Variants in L3MBTL3 observed in about 807,000 individuals in gnomAD.
The protein encoded by L3MBTL3 is L3MBTL histone methyl-lysine binding protein 3, also known as lethal(3)malignant brain tumor-like protein 3.
A neutral mutation model predicts 102.3 loss-of-function variants in L3MBTL3; 27 were observed. The observed-to-expected ratio is 0.26, with a 90% CI of 0.19 to 0.36. The LOEUF (loss-of-function observed/expected upper bound fraction) is 0.36. L3MBTL3 is among the 10% of genes least tolerant of loss of function. The probability of loss-of-function intolerance (pLI) is 1.00; values close to 1 mark genes in which losing one functional copy is unlikely to be tolerated. For synonymous variants in L3MBTL3, 340 were observed against 320.9 expected (o/e 1.06, Z -0.64); for missense variants, 798 against 955.3 (o/e 0.84, Z 2.17).
intron 3 of L3MBTL3, among the ~76,000 whole-genome samples, chr6:130,048,967 C>CACACACACACATAT (rs71678245): frequency 1.1e-3 from 161 of 150,566 alleles, no homozygotes; most frequent in Non-Finnish European, 1.8e-3. Context: ...CACACACACA[C>CACACACACACATAT]ACATACACAC....
intron 12 of L3MBTL3, among the ~76,000 whole-genome samples, chr6:130,070,292 C>T (rs1782544165): frequency 6.6e-6 from 1 of 152,132 alleles, no homozygotes; most frequent in Admixed American, 6.6e-5. Flanking sequence ...CTAACTCTTA[C>T]AGAACTTTCA....
chr6:130,077,933 A>G (rs1165514443), intron 13 of L3MBTL3, among the ~76,000 whole-genome samples: 1 of 152,170 alleles, frequency 6.6e-6, no homozygotes, highest in Non-Finnish European at 1.5e-5. Context: ...GAAGAGAAAA[A>G]CATGGCAAAA....
intron 10 of L3MBTL3, among the ~76,000 whole-genome samples, chr6:130,065,701 G>C (rs1782201510): frequency 1.3e-5 from 2 of 152,150 alleles, no homozygotes; most frequent in Non-Finnish European, 1.5e-5. Context: ...TAAGAATCCA[G>C]GGCAGGGTAT....
chr6:130,023,439 A>G (rs1779137202), intron 2 of L3MBTL3, among the ~76,000 whole-genome samples: 1 of 152,180 alleles, frequency 6.6e-6, no homozygotes, highest in Non-Finnish European at 1.5e-5. Context: ...TCAGTTTCCT[A>G]AGATGGTGAA....
At chr6:130,039,465 C>T (rs112786591) in intron 2 of L3MBTL3, among the ~76,000 whole-genome samples, 1,763 of 152,070 alleles carry the variant, frequency 0.012, 21 homozygotes, top group Non-Finnish European at 0.014. Flanking sequence ...TCTTAAATCC[C>T]TTTTCATCTA....
At chr6:130,096,637 A>G (rs1313625945) in intron 18 of L3MBTL3, among the ~76,000 whole-genome samples, 2 of 152,156 alleles carry the variant, frequency 1.3e-5, no homozygotes, top group Admixed American at 6.5e-5. Context: ...CTGATGGCCC[A>G]GCCATTCATC....
chr6:130,101,216 G>A (rs1174244530), intron 18 of L3MBTL3, among the ~76,000 whole-genome samples: 4 of 152,192 alleles, frequency 2.6e-5, no homozygotes, highest in African/African-American at 9.6e-5. Context: ...GTCATAAACA[G>A]AGTCAGGAAC....
At chr6:130,106,842 G>A (rs1473814727) in intron 19 of L3MBTL3, among the ~76,000 whole-genome samples, 6 of 152,152 alleles carry the variant, frequency 3.9e-5, no homozygotes. Flanking sequence ...ATCTTTAAGA[G>A]GTAAAGAAAT....
chr6:130,115,697 A>G (rs1046860162), intron 19 of L3MBTL3, among the ~76,000 whole-genome samples: 2 of 152,312 alleles, frequency 1.3e-5, no homozygotes, highest in African/African-American at 4.8e-5. Flanking sequence ...TAAAGAATAC[A>G]TTTTTCCATT....
At chr6:130,080,400 T>G (rs1382420777) in intron 14 of L3MBTL3, among the ~76,000 whole-genome samples, 1 of 152,246 alleles carries the variant, frequency 6.6e-6, no homozygotes, top group African/African-American at 2.4e-5. Flanking sequence ...TTGCCATGGT[T>G]GCTTCTTTGC....
rs770815270 is a variant in L3MBTL3 at position 130,094,244 on chromosome 6, CT to C, written c.1634-17del. On this transcript the variant is annotated intron_variant, in intron 17 of 22. Coordinates refer to ENST00000361794, the MANE Select transcript of L3MBTL3 (RefSeq NM_032438.4). ...TTGCTTAATATTTTGCCCCTTCTTTCTTTTCTTTGCTCTTTCATAGGCCCCT... is the reference window on the plus strand; with the variant it reads ...TTGCTTAATATTTTGCCCCTTCTTTCTTTCTTTGCTCTTTCATAGGCCCCT... The C allele has an allele frequency of 1.0e-5, 16 of 1,587,096 alleles. No homozygotes were observed. The African/African-American group carries it at 1.2e-4, about 12-fold the overall frequency.
chr6:130,068,376 T>C lies in L3MBTL3; in HGVS notation c.1047T>C (p.Cys349=). Residue 349 remains cysteine (C), a synonymous_variant, in exon 12 of 23, where the codon TGT becomes TGC. Coordinates refer to ENST00000361794, the MANE Select transcript of L3MBTL3 (RefSeq NM_032438.4). The stretch of plus-strand genomic sequence containing the variant: ...ATTGGCAGACCTATCTTAAGACATG[T>C]AAAGCTCAAGCTGCTCCTAAGTCAT... ...EFNWQTYLKT[C]KAQAAPKSLF... The C allele has an allele frequency of 6.2e-7, 1 of 1,605,910 alleles. No homozygotes were observed. The highest frequency in any genetic ancestry group is 8.5e-7 in the Non-Finnish European group (1 of 1,172,834).
At chr6:130,119,741 C>T (rs1785997948) in intron 19 of L3MBTL3, among the ~76,000 whole-genome samples, 1 of 152,128 alleles carries the variant, frequency 6.6e-6, no homozygotes, top group African/African-American at 2.4e-5. Context: ...GCATTTGCTC[C>T]TGGAAATGAT....
At chr6:130,030,122 G>T (rs761514830) in intron 2 of L3MBTL3, among the ~76,000 whole-genome samples, 31 of 152,066 alleles carry the variant, frequency 2.0e-4, no homozygotes, top group Non-Finnish European at 3.5e-4. Context: ...GTCTCCCAAA[G>T]TGCTAGGATT....
intron 13 of L3MBTL3, among the ~76,000 whole-genome samples, chr6:130,072,556 A>G (rs2115018368): frequency 6.6e-6 from 1 of 152,294 alleles, no homozygotes; most frequent in East Asian, 1.9e-4. Flanking sequence ...TTTCATTGAA[A>G]TACAGTCAAT....
chr6:130,068,773 G>A (rs1206585165), intron 12 of L3MBTL3, among the ~76,000 whole-genome samples: 1 of 152,160 alleles, frequency 6.6e-6, no homozygotes, highest in African/African-American at 2.4e-5. Context: ...CCAGATGAAG[G>A]TAGCCCTGTT....
chr6:130,048,733 T>G (rs1056346130), intron 3 of L3MBTL3, among the ~76,000 whole-genome samples: 4 of 152,152 alleles, frequency 2.6e-5, no homozygotes, highest in Non-Finnish European at 4.4e-5. Flanking sequence ...GGTTATGTGG[T>G]TCAGGCTTCA....
intron 13 of L3MBTL3, among the ~76,000 whole-genome samples, chr6:130,077,250 G>A (rs1470257156): frequency 2.0e-5 from 3 of 152,072 alleles, no homozygotes; most frequent in African/African-American, 7.2e-5. Context: ...AGGATATCTG[G>A]AAGTAGAGCT....
intron 12 of L3MBTL3, among the ~76,000 whole-genome samples, chr6:130,070,013 A>G (rs1782521477): frequency 6.6e-6 from 1 of 152,226 alleles, no homozygotes; most frequent in Non-Finnish European, 1.5e-5. Flanking sequence ...ATAGTTGTAT[A>G]ATTATAGTAA....
Sources: allele counts gnomAD v4.1 joint callset (sites outside exome capture counted in the v4.1 genomes callset), GRCh38; gene constraint gnomAD v4.1.1; transcripts MANE v1.5; gene names NCBI Gene and HGNC (gene_info 2026-07-23, HGNC 2026-07-21).